Variants in IRF8 observed in about 807,000 individuals in gnomAD.
IRF8 encodes interferon regulatory factor 8.
A neutral mutation model predicts 48.7 loss-of-function variants in IRF8; 14 were observed. That is an observed-to-expected ratio of 0.29 (90% CI 0.19 to 0.45). IRF8 has a LOEUF of 0.45. IRF8 is among the 20% of genes least tolerant of loss of function. The probability of loss-of-function intolerance (pLI) is 1.00; values close to 1 mark genes in which losing one functional copy is unlikely to be tolerated. For missense variants in IRF8, 493 were observed against 580.7 expected (o/e 0.85, Z 1.55); for synonymous variants, 278 against 227.3 (o/e 1.22, Z -2.01).
intron 6 of IRF8, among the ~76,000 whole-genome samples, chr16:85,916,260 G>C (rs1304045646): frequency 2.6e-5 from 4 of 152,194 alleles, no homozygotes; most frequent in Non-Finnish European, 5.9e-5. Flanking sequence ...GTGGGGAAGC[G>C]GCTTGCCCCA....
At chr16:85,899,522 A>G (rs540258616) in intron 1 of IRF8, among the ~76,000 whole-genome samples, 3 of 152,332 alleles carry the variant, frequency 2.0e-5, no homozygotes, top group Admixed American at 6.5e-5. Context: ...GAGAGCTCAT[A>G]TAATGAACGG....
At chr16:85,904,814 T>TTTTTTTTTTTTTTTTTTTTTTTTTTTG in intron 2 of IRF8, among the ~76,000 whole-genome samples, 1 of 143,058 alleles carries the variant, frequency 7.0e-6, no homozygotes, top group African/African-American at 2.6e-5. Context: ...TTGCAGATCT[T>TTTTTTTTTTTTTTTTTTTTTTTTTTTG]TTTTTTTTTT....
chr16:85,921,691 C>T lies in IRF8; in HGVS notation c.*409C>T. ...CTTGTGAAAACAAGGTTGTTTTTGT[C>T]TTTATCGTTTGTTAGAGTTATAGAT... is the stretch of plus-strand genomic sequence containing the variant. On this transcript the variant is annotated 3_prime_UTR_variant, in exon 9 of 9. Coordinates refer to ENST00000268638, the MANE Select transcript of IRF8 (RefSeq NM_002163.4). 3.9e-6 allele frequency: 1 copy of T among 255,898 alleles called. No individual in the cohort carries two copies. Among genetic ancestry groups the T allele is most frequent in the Non-Finnish European group, 7.7e-6 (1 of 130,204 alleles). 15.9% of individuals were successfully genotyped at this position (255,898 alleles called of 1,614,324 possible). A position where few individuals can be genotyped will look rare whatever the true frequency, so the allele number is the denominator to read the frequency against.
At chr16:85,920,272 AGTC>A in intron 8 of IRF8, 48 bp downstream of exon 8, 1 of 1,048,930 alleles carries the variant, frequency 9.5e-7, no homozygotes, top group East Asian at 3.4e-5. Flanking sequence ...TTTGAGATGG[AGTC>A]TTGCTCTGTT....
intron 7 of IRF8, among the ~76,000 whole-genome samples, chr16:85,919,840 C>T (rs9927932): frequency 0.019 from 2,961 of 152,298 alleles, 155 homozygotes; most frequent in East Asian, 0.14. Flanking sequence ...GAGCAATGCA[C>T]GAATTGAGAG....
intron 3 of IRF8, 88 bp downstream of exon 3, chr16:85,909,261 G>A (rs1905081245): frequency 9.8e-7 from 1 of 1,015,238 alleles, no homozygotes; most frequent in African/African-American, 1.6e-5. Flanking sequence ...GGTAGACACA[G>A]GGTCTGGGGC....
intron 6 of IRF8, among the ~76,000 whole-genome samples, chr16:85,917,763 G>C (rs2143040596): frequency 6.6e-6 from 1 of 152,256 alleles, no homozygotes; most frequent in Admixed American, 6.5e-5. Flanking sequence ...TATTGAAGAT[G>C]GAATAATCTT....
Position 85,921,359 on chromosome 16 carries a change from A to G in IRF8, c.*77A>G. 1 of 1,465,082 alleles carries G rather than the reference A, an allele frequency of 6.8e-7. No individual in the cohort carries two copies. The allele number at this position is 1,465,082 out of a possible 1,614,324, so 90.8% of individuals were successfully genotyped here. ...TTACAGTGGCCCGCATCATGATTAA[A>G]GAATGTGGATCCCTCTGTCTGGGGT... On this transcript the variant is annotated 3_prime_UTR_variant, in exon 9 of 9. Transcript: ENST00000268638.
intron 1 of IRF8, 142 bp from the exon 2 acceptor site, chr16:85,902,873 C>G (rs1293475833): frequency 2.3e-6 from 2 of 852,032 alleles, no homozygotes; most frequent in Non-Finnish European, 4.0e-6. Flanking sequence ...GGCAGGTGTC[C>G]CGGAGTCCCT....
intron 6 of IRF8, among the ~76,000 whole-genome samples, chr16:85,915,275 G>T (rs1198267599): frequency 1.3e-5 from 2 of 152,238 alleles, no homozygotes; most frequent in African/African-American, 4.8e-5. Flanking sequence ...AAGGAAGCTG[G>T]GGCATCTTCC....
At position 85,908,012 on chromosome 16, in the gene IRF8, C is replaced by G. The variant is rs1210774363; in HGVS notation, c.175-978C>G. On this transcript the variant is annotated intron_variant, in intron 2 of 8. Coordinates refer to ENST00000268638, the MANE Select transcript of IRF8 (RefSeq NM_002163.4). ...GGGTGGCCTTGGGAAAGTTACTTAC[C>G]TCTTGGAATTGCATTTTCCTGAAGT... 2.6e-5 allele frequency among the ~76,000 whole-genome samples: 4 copies of G among 151,644 alleles called. No individual in the cohort carries two copies. In the South Asian group the frequency reaches 8.4e-4, roughly 32 times the overall value.
chr16:85,899,671 C>CA (rs1242924721), intron 1 of IRF8, among the ~76,000 whole-genome samples: 2 of 152,168 alleles, frequency 1.3e-5, no homozygotes, highest in Admixed American at 1.3e-4. Context: ...AAGGAGGGGA[C>CA]AGACTGCTTC....
chr16:85,912,368 T>TTG (rs1272251091), intron 4 of IRF8, among the ~76,000 whole-genome samples: 1 of 152,182 alleles, frequency 6.6e-6, no homozygotes, highest in Admixed American at 6.5e-5. Context: ...TTGCAAAAGG[T>TTG]TGTGTGTGAG....
In IRF8 at chr16:85,902,542, G is replaced by A. The variant is rs541436052; in HGVS notation, c.-1-473G>A. ...GGGCCTCCTCTTTCCCAGACGGCACGGACGCAGTATTCTATCAGGGAATGT... is the reference window on the plus strand; with the variant it reads ...GGGCCTCCTCTTTCCCAGACGGCACAGACGCAGTATTCTATCAGGGAATGT... On this transcript the variant is annotated intron_variant, in intron 1 of 8. Transcript: ENST00000268638. The A allele has an allele frequency of 1.4e-3, 316 of 225,264 alleles. 2 individuals carry two copies. The highest frequency in any genetic ancestry group is 6.7e-3 in the African/African-American group (297 of 44,590). 14.0% of individuals were successfully genotyped at this position (225,264 alleles called of 1,614,324 possible).
chr16:85,911,542 G>A (rs1259495551), intron 3 of IRF8, 28 bp from the exon 4 acceptor site: 3 of 1,596,186 alleles, frequency 1.9e-6, no homozygotes, highest in Non-Finnish European at 2.6e-6. Context: ...CGTGCCATGT[G>A]TCATGGTGTT....
intron 8 of IRF8, among the ~76,000 whole-genome samples, chr16:85,920,724 C>T (rs973025182): frequency 5.3e-5 from 8 of 152,042 alleles, no homozygotes; most frequent in African/African-American, 1.5e-4. Flanking sequence ...GTCTGGGACG[C>T]GCACAGTCTG....
At chr16:85,914,840 G>T (rs1905252432) in intron 6 of IRF8, among the ~76,000 whole-genome samples, 1 of 152,058 alleles carries the variant, frequency 6.6e-6, no homozygotes, top group Non-Finnish European at 1.5e-5. Flanking sequence ...TGGTGTGGAA[G>T]TCGAGGCCCC....
In IRF8 at chr16:85,921,626, A is replaced by T. The variant is rs890924676; in HGVS notation, c.*344A>T. The T allele has an allele frequency of 6.2e-6, 2 of 324,316 alleles. No individual in the cohort carries two copies. Among genetic ancestry groups the T allele is most frequent in the African/African-American group, 2.1e-5 (1 of 46,698 alleles). The allele number at this position is 324,316 out of a possible 1,614,324, so 20.1% of individuals were successfully genotyped here. A position where few individuals can be genotyped will look rare whatever the true frequency, so the allele number is the denominator to read the frequency against. On this transcript the variant is annotated 3_prime_UTR_variant, in exon 9 of 9. Transcript: ENST00000268638. ...ACTTGTCATTCAGTAATATTAGCAG[A>T]TAGCTGCTTCGATAAAGGAATTTGG...
At chr16:85,916,329 G>T (rs1905304278) in intron 6 of IRF8, among the ~76,000 whole-genome samples, 1 of 152,220 alleles carries the variant, frequency 6.6e-6, no homozygotes. Context: ...TGGGCTGCAG[G>T]GTCTGTGCTG....
Sources: allele counts gnomAD v4.1 joint callset (sites outside exome capture counted in the v4.1 genomes callset), GRCh38; gene constraint gnomAD v4.1.1; transcripts MANE v1.5; gene names NCBI Gene and HGNC (gene_info 2026-07-23, HGNC 2026-07-21).